Variants in B4GALNT2 observed in about 807,000 individuals in gnomAD.
B4GALNT2 encodes the protein beta-1,4-N-acetyl-galactosaminyltransferase 2 (SID blood group), also known as N-acetylneuraminylgalactosylglucosyl-glucoside beta-1,4-N- acetylgalactosaminyltransferase 2.
Under a neutral mutation model 51.1 loss-of-function variants are expected in B4GALNT2, and 42 were observed. That is an observed-to-expected ratio of 0.82 (90% confidence interval 0.64 to 1.06). The LOEUF is 1.06. Ranked by LOEUF, B4GALNT2 falls within the 50% of genes least tolerant of loss-of-function variation. The pLI, the probability that B4GALNT2 is intolerant of heterozygous loss-of-function variation, is 0.00. For missense variants in B4GALNT2, 602 were observed against 633.6 expected (o/e 0.95, Z 0.54); for synonymous variants, 253 against 251.7 (o/e 1.01, Z -0.05).
the B4GALNT2 span, among the ~76,000 whole-genome samples, chr17:49,124,053 G>A: frequency 6.6e-6 from 1 of 152,220 alleles, no homozygotes; most frequent in East Asian, 1.9e-4. Flanking sequence ...AAACAAGTAT[G>A]CTCCAAATTT....
At position 49,156,699 on chromosome 17, in the gene B4GALNT2, A is replaced by G. The variant is rs2144319319; in HGVS notation, c.498+96A>G. The G allele has an allele frequency of 7.2e-6, 10 of 1,395,526 alleles. 1 individual carries two copies. The Admixed American group carries it at 1.4e-4, about 19-fold the overall frequency. The allele number at this position is 1,395,526 out of a possible 1,614,324, so 86.4% of individuals were successfully genotyped here. ...AGCCTTTGACGGAGCCCCTGTCCAGATTCAAGGTCAGACATGAGCCCAAGG... is the reference window on the plus strand; with the variant it reads ...AGCCTTTGACGGAGCCCCTGTCCAGGTTCAAGGTCAGACATGAGCCCAAGG... On this transcript the variant is annotated intron_variant, in intron 5 of 10. Coordinates refer to ENST00000393354, the MANE Select transcript of B4GALNT2 (RefSeq NM_001159387.2).
At chr17:49,125,739 G>T in the B4GALNT2 span, among the ~76,000 whole-genome samples, 1 of 69,164 alleles carries the variant, frequency 1.4e-5, no homozygotes, top group Non-Finnish European at 3.3e-5. Flanking sequence ...GCCCCGTCCC[G>T]GAGGGAGGTG....
chr17:49,146,739 C>T lies in B4GALNT2; in HGVS notation c.353+4567C>T, dbSNP rs926753186. 1.3e-5 allele frequency among the ~76,000 whole-genome samples: 2 copies of T among 152,320 alleles called. 1 individual carries two copies. Among genetic ancestry groups the T allele is most frequent in the South Asian group, 4.1e-4 (2 of 4,832 alleles). ...TAAGGTGGGAATGTAGTTTTCCCATCAGTCCAAGGCCTCTATGAGAGCTAA... is the reference window on the plus strand; with the variant it reads ...TAAGGTGGGAATGTAGTTTTCCCATTAGTCCAAGGCCTCTATGAGAGCTAA... On this transcript the variant is annotated intron_variant, in intron 3 of 10. Coordinates refer to ENST00000393354, the MANE Select transcript of B4GALNT2 (RefSeq NM_001159387.2).
At chr17:49,153,040 C>A in intron 4 of B4GALNT2, 134 bp downstream of exon 4, 1 of 746,652 alleles carries the variant, frequency 1.3e-6, no homozygotes, top group Non-Finnish European at 2.3e-6. Flanking sequence ...GAGTTCAAGA[C>A]TGCAGTGAGC....
Position 49,171,449 on chromosome 17 carries a change from C to T in B4GALNT2, c.*1721C>T. On this transcript the variant is annotated 3_prime_UTR_variant, in exon 11 of 11. Transcript: ENST00000393354. ...CTTTTAATTTTGCAATATGCAAAGA[C>T]AAGTTTGTAGAGTGTCCTTCTAGAT... 1 of 409,610 alleles carries T rather than the reference C, an allele frequency of 2.4e-6. No individual in the cohort carries two copies. The highest frequency in any genetic ancestry group is 4.7e-6 in the Non-Finnish European group (1 of 213,148). 25.4% of individuals were successfully genotyped at this position (409,610 alleles called of 1,614,324 possible).
intron 4 of B4GALNT2, among the ~76,000 whole-genome samples, chr17:49,154,653 C>T (rs1269196056): frequency 6.6e-6 from 1 of 151,904 alleles, no homozygotes; most frequent in Non-Finnish European, 1.5e-5. Context: ...TCTCCAGGTC[C>T]AGCACTGAGG....
At chr17:49,159,389 T>C (rs1017417012) in intron 6 of B4GALNT2, among the ~76,000 whole-genome samples, 172 bp downstream of exon 6, 1 of 152,222 alleles carries the variant, frequency 6.6e-6, no homozygotes, top group Non-Finnish European at 1.5e-5. Flanking sequence ...TCACCCAGGC[T>C]GGAGTGCAGT....
intron 4 of B4GALNT2, among the ~76,000 whole-genome samples, chr17:49,155,710 A>G (rs1417756904): frequency 6.7e-6 from 1 of 149,826 alleles, no homozygotes; most frequent in African/African-American, 2.4e-5. Context: ...CATAAAATCA[A>G]CAACTTTTTT....
At chr17:49,132,414 A>G, upstream of B4GALNT2, 1 of 235,566 alleles carries the variant, frequency 4.2e-6, no homozygotes, top group East Asian at 7.7e-5. Flanking sequence ...TGGAGGTGGG[A>G]CCAAGGCCGA....
intron 9 of B4GALNT2, among the ~76,000 whole-genome samples, chr17:49,167,328 G>A (rs2042919482): frequency 6.6e-6 from 1 of 152,226 alleles, no homozygotes; most frequent in African/African-American, 2.4e-5. Context: ...TTTTAAGGAT[G>A]TGATGTAAAC....
At chr17:49,155,974 G>A (rs1223137222) in intron 4 of B4GALNT2, among the ~76,000 whole-genome samples, 1 of 151,936 alleles carries the variant, frequency 6.6e-6, no homozygotes, top group African/African-American at 2.4e-5. Flanking sequence ...TGATCCGCCC[G>A]CCTCGGCCTC....
rs780722171 is a variant in B4GALNT2 at position 49,166,097 on chromosome 17, C to T, written c.955-17C>T. ...GTAATATGGGCAACCACTCCTTTAA[C>T]CTCATTTCATCTACAGGGTTGGTTT... is the stretch of plus-strand genomic sequence containing the variant. On this transcript the variant is annotated splice_polypyrimidine_tract_variant and intron_variant, in intron 8 of 10. Transcript: ENST00000393354. 5.6e-5 allele frequency: 91 copies of T among 1,612,286 alleles called. No homozygotes were observed. The highest frequency in any genetic ancestry group is 3.1e-5 in the Non-Finnish European group (36 of 1,179,058).
intron 3 of B4GALNT2, among the ~76,000 whole-genome samples, chr17:49,152,011 C>T (rs1039252407): frequency 2.6e-5 from 4 of 152,246 alleles, no homozygotes; most frequent in Non-Finnish European, 4.4e-5. Context: ...TGTTTAGCTG[C>T]TGCAGCTGGG....
At chr17:49,126,039 C>T in the B4GALNT2 span, among the ~76,000 whole-genome samples, 1 of 150,570 alleles carries the variant, frequency 6.6e-6, no homozygotes, top group Non-Finnish European at 1.5e-5. Context: ...ATGACAATGG[C>T]GGTTTTGTGG....
At position 49,145,261 on chromosome 17, in the gene B4GALNT2, T is replaced by C. The variant is rs193122396; in HGVS notation, c.353+3089T>C. On this transcript the variant is annotated intron_variant, in intron 3 of 10. Coordinates refer to ENST00000393354, the MANE Select transcript of B4GALNT2 (RefSeq NM_001159387.2). ...AAAGACAATAATAAGGTTATAATTA[T>C]GCCTAACATAATACAACTATCTTTT... Among the ~76,000 whole-genome samples the C allele has an allele frequency of 1.0e-3, 154 of 152,330 alleles. 2 individuals are homozygous for C. Among genetic ancestry groups the C allele is most frequent in the Non-Finnish European group, 1.4e-3 (93 of 68,028 alleles).
chr17:49,127,317 A>G, the B4GALNT2 span, among the ~76,000 whole-genome samples: 1 of 152,230 alleles, frequency 6.6e-6, no homozygotes. Flanking sequence ...GGGCTGAGTT[A>G]CAGTTTTATA....
chr17:49,128,886 C>G (rs946758239), upstream of B4GALNT2, among the ~76,000 whole-genome samples: 6 of 152,108 alleles, frequency 3.9e-5, no homozygotes, highest in Admixed American at 6.5e-5. Flanking sequence ...CCAAGGGTGT[C>G]TGTTTTAGTT....
At chr17:49,147,310 G>T (rs182448689) in intron 3 of B4GALNT2, among the ~76,000 whole-genome samples, 54 of 151,906 alleles carry the variant, frequency 3.6e-4, no homozygotes, top group Admixed American at 1.2e-3. Context: ...GCTCCTCTAA[G>T]AAAAAGTTCA....
intron 3 of B4GALNT2, among the ~76,000 whole-genome samples, chr17:49,152,177 G>T (rs966634516): frequency 6.6e-6 from 1 of 152,140 alleles, no homozygotes; most frequent in African/African-American, 2.4e-5. Flanking sequence ...AGCGGTTGGA[G>T]ACCAGCCTGG....
Sources: gnomAD v4.1 joint callset for allele counts (sites outside exome capture counted in the v4.1 genomes callset) on GRCh38, gnomAD v4.1.1 for gene constraint, MANE v1.5 for transcripts, NCBI Gene and HGNC (gene_info 2026-07-23, HGNC 2026-07-21) for gene names.